The following SLC17A1 variants were observed in gnomAD, a reference collection of about 807,000 sequenced individuals.
SLC17A1 encodes sodium-dependent phosphate transport protein 1.
SLC17A1 carries 51 observed loss-of-function variants against 53.5 expected under a neutral mutation model. The ratio of observed to expected loss-of-function variants is 0.95; its 90% CI spans 0.76 to 1.20. The LOEUF (loss-of-function observed/expected upper bound fraction) is 1.20, where lower values mean the gene tolerates loss of function less well. SLC17A1 is among the 50% of genes most tolerant of loss of function. The pLI is 0.00. For synonymous variants in SLC17A1, 179 were observed against 198.8 expected, an observed-to-expected ratio of 0.90 and a Z score of 0.84; for missense variants, 538 against 568.2, an observed-to-expected ratio of 0.95 and a Z score of 0.54.
the SLC17A1 span, chr6:25,768,430 T>C: frequency 7.1e-6 from 7 of 980,262 alleles, no homozygotes; most frequent in Non-Finnish European, 8.5e-6. Context: ...CACTAGCAAA[T>C]TTTGTGTAAG....
chr6:25,725,018 A>AG, the SLC17A1 span, among the ~76,000 whole-genome samples: 1 of 142,066 alleles, frequency 7.0e-6, no homozygotes, highest in Non-Finnish European at 1.5e-5. Context: ...TAACCAAATG[A>AG]TTTTTTTTTT....
intron 5 of SLC17A1, 89 bp from the exon 6 acceptor site, chr6:25,819,243 C>A (rs1018962960): frequency 3.5e-6 from 3 of 867,414 alleles, no homozygotes; most frequent in Non-Finnish European, 3.6e-6. Flanking sequence ...TGAACAATTT[C>A]CTGTGAAACA....
At chr6:25,788,670 A>AGGTTGCCTT (rs5875068) in intron 12 of SLC17A1, among the ~76,000 whole-genome samples, 143,593 of 151,928 alleles carry the variant, frequency 0.95, 68,251 homozygotes, top group South Asian at 1. Context: ...GAGATGAGGA[A>AGGTTGCCTT]GGTCCAGGAG....
chr6:25,773,382 T>C, the SLC17A1 span: 10 of 1,613,846 alleles, frequency 6.2e-6, no homozygotes, highest in Non-Finnish European at 8.5e-6. Context: ...TGTGTGTTCA[T>C]TGGCTCAGCA....
chr6:25,799,530 G>T (rs1374402241), intron 11 of SLC17A1, among the ~76,000 whole-genome samples: 2 of 152,172 alleles, frequency 1.3e-5, no homozygotes, highest in Non-Finnish European at 2.9e-5. Flanking sequence ...AACCAGAAAA[G>T]TTATTGCAGC....
the SLC17A1 span, among the ~76,000 whole-genome samples, chr6:25,728,048 G>A: frequency 1.3e-5 from 2 of 152,150 alleles, no homozygotes; most frequent in East Asian, 3.9e-4. Context: ...TTGTATAAAA[G>A]CTACATGCTG....
chr6:25,804,624 G>T (rs970027943), intron 10 of SLC17A1, among the ~76,000 whole-genome samples: 2 of 151,962 alleles, frequency 1.3e-5, no homozygotes, highest in African/African-American at 2.4e-5. Flanking sequence ...ACAAATATTT[G>T]CTGTCTTAAA....
At chr6:25,763,595 C>T in the SLC17A1 span, among the ~76,000 whole-genome samples, 1 of 152,176 alleles carries the variant, frequency 6.6e-6, no homozygotes, top group African/African-American at 2.4e-5. Context: ...CATATCTTTG[C>T]TGTGTTTCTA....
At chr6:25,824,927 G>A (rs936846973) in intron 3 of SLC17A1, among the ~76,000 whole-genome samples, 5 of 151,714 alleles carry the variant, frequency 3.3e-5, no homozygotes, top group Non-Finnish European at 5.9e-5. Context: ...ATTTGTTTTT[G>A]GATAATTCAC....
downstream of SLC17A1, chr6:25,779,273 T>G (rs866084983): frequency 6.4e-7 from 1 of 1,555,106 alleles, no homozygotes; most frequent in Non-Finnish European, 8.8e-7. Flanking sequence ...CCTGCTTGAC[T>G]GATAAGCCAT....
At chr6:25,726,866 C>A in the SLC17A1 span, 1 of 1,571,538 alleles carries the variant, frequency 6.4e-7, no homozygotes, top group Non-Finnish European at 8.6e-7. Flanking sequence ...GCTGTGTAAC[C>A]CTGGAAAAGA....
At position 25,790,160 on chromosome 6, in the gene SLC17A1, C is replaced by T. The variant is rs201240678; in HGVS notation, c.*3-6942G>A. 3.4e-4 allele frequency among the ~76,000 whole-genome samples: 52 copies of T among 152,208 alleles called. No individual in the cohort carries two copies. In the East Asian group the frequency reaches 8.7e-3, roughly 25 times the overall value. The stretch of plus-strand genomic sequence containing the variant: ...TGCATTTTGATTACATCCCTTAAGT[C>T]ATCTTTGTTCAACTCAATGGTTATA... On this transcript the variant is annotated intron_variant, in intron 12 of 12. Transcript: ENST00000244527.
chr6:25,727,399 GTT>G, the SLC17A1 span: 677 of 682,048 alleles, frequency 9.9e-4, no homozygotes, highest in Middle Eastern at 1.8e-3. Context: ...AACCGTAAGG[GTT>G]TTTTTTTTTT....
chr6:25,742,566 C>T, the SLC17A1 span, among the ~76,000 whole-genome samples: 1 of 147,628 alleles, frequency 6.8e-6, no homozygotes, highest in Non-Finnish European at 1.5e-5. Flanking sequence ...ATCCTAGTTA[C>T]TGGGGACTCC....
At chr6:25,740,459 A>T in the SLC17A1 span, among the ~76,000 whole-genome samples, 1 of 152,194 alleles carries the variant, frequency 6.6e-6, no homozygotes, top group African/African-American at 2.4e-5. Context: ...TACAACAGTT[A>T]TTAGACTGAA....
the SLC17A1 span, chr6:25,768,390 C>T: frequency 1.0e-6 from 1 of 987,300 alleles, no homozygotes; most frequent in Admixed American, 6.0e-5. Flanking sequence ...TGGACTCAAC[C>T]ACAGGGATAT....
chr6:25,726,880 G>A, the SLC17A1 span: 3 of 1,592,838 alleles, frequency 1.9e-6, no homozygotes, highest in Non-Finnish European at 2.6e-6. Context: ...GAAAAGAACC[G>A]TGTAACGCTG....
intron 3 of SLC17A1, among the ~76,000 whole-genome samples, chr6:25,825,162 T>A (rs1165181): frequency 0.39 from 59,280 of 151,788 alleles, 12,643 homozygotes; most frequent in East Asian, 0.7. Flanking sequence ...TTATTTGTTA[T>A]CAATTCTAAC....
chr6:25,732,388 G>T, the SLC17A1 span: 1 of 266,330 alleles, frequency 3.8e-6, no homozygotes, highest in South Asian at 4.9e-5. Context: ...CTAGAAATAC[G>T]CTGAGTACCC....
Sources: gnomAD v4.1 joint callset for allele counts (sites outside exome capture counted in the v4.1 genomes callset) on GRCh38, gnomAD v4.1.1 for gene constraint, MANE v1.5 for transcripts, NCBI Gene and HGNC (gene_info 2026-07-23, HGNC 2026-07-21) for gene names.